UBE2E1: variants seen among roughly 807,000 people sequenced by gnomAD.
UBE2E1 encodes the protein ubiquitin conjugating enzyme E2 E1.
In UBE2E1, 6 loss-of-function variants were observed where a neutral mutation model predicts 21.4. That is an observed-to-expected ratio of 0.28 (90% CI 0.15 to 0.55). The LOEUF (loss-of-function observed/expected upper bound fraction) is 0.55. Among genes scored for constraint, UBE2E1 ranks in the 20% least tolerant of loss-of-function variants. The pLI, the probability that UBE2E1 is intolerant of heterozygous loss-of-function variation, is 0.93. For missense variants in UBE2E1, 142 were observed against 236.5 expected, an observed-to-expected ratio of 0.60 and a Z score of 2.62; for synonymous variants, 87 against 82.7, an observed-to-expected ratio of 1.05 and a Z score of -0.28.
rs143225070 is a variant in UBE2E1 at position 23,890,452 on chromosome 3, T to C, written c.485-57T>C. The C allele has an allele frequency of 4.4e-4, 686 of 1,562,916 alleles. 1 individual carries two copies. The African/African-American group carries it at 8.5e-3, about 19-fold the overall frequency. On this transcript the variant is annotated intron_variant, in intron 5 of 5. Transcript: ENST00000306627. ...ATCTACCCAAGCTGTCACTATTCGC[T>C]AAAGTTTAAAATGTTCTTTTCCTTT...
At chr3:23,864,426 TC>T (rs1442525883) in intron 3 of UBE2E1, among the ~76,000 whole-genome samples, 29 of 152,338 alleles carry the variant, frequency 1.9e-4, no homozygotes, top group African/African-American at 6.5e-4. Flanking sequence ...TCTTTGTCCT[TC>T]CTATGGTCCT....
chr3:23,873,989 A>G (rs1322143499), intron 3 of UBE2E1, among the ~76,000 whole-genome samples: 2 of 152,120 alleles, frequency 1.3e-5, no homozygotes, highest in Non-Finnish European at 2.9e-5. Context: ...TGTTCACACA[A>G]CTCTGCTTTG....
chr3:23,882,946 C>T (rs1031787100), intron 3 of UBE2E1, among the ~76,000 whole-genome samples: 1 of 152,180 alleles, frequency 6.6e-6, no homozygotes, highest in Non-Finnish European at 1.5e-5. Context: ...ACAGAGGGAG[C>T]CAGCTCCAGC....
chr3:23,855,923 A>C (rs908223874), intron 3 of UBE2E1, among the ~76,000 whole-genome samples: 1 of 152,188 alleles, frequency 6.6e-6, no homozygotes, highest in Non-Finnish European at 1.5e-5. Flanking sequence ...CAGTTCCGTG[A>C]GGTGTGGTAT....
At chr3:23,873,079 G>A (rs1686590040) in intron 3 of UBE2E1, among the ~76,000 whole-genome samples, 1 of 152,078 alleles carries the variant, frequency 6.6e-6, no homozygotes, top group Non-Finnish European at 1.5e-5. Flanking sequence ...TGACTTTAAT[G>A]TCTGACTTCT....
At chr3:23,855,133 A>G (rs181392534) in intron 3 of UBE2E1, among the ~76,000 whole-genome samples, 1 of 152,328 alleles carries the variant, frequency 6.6e-6, no homozygotes, top group East Asian at 1.9e-4. Context: ...GGTGAAATTA[A>G]AACATTTATT....
At chr3:23,882,528 C>T (rs965401065) in intron 3 of UBE2E1, among the ~76,000 whole-genome samples, 19 of 152,320 alleles carry the variant, frequency 1.2e-4, no homozygotes, top group Non-Finnish European at 2.6e-4. Context: ...GCACTGTGCG[C>T]CCACACTCCT....
intron 3 of UBE2E1, among the ~76,000 whole-genome samples, chr3:23,858,468 C>T (rs1700485663): frequency 6.6e-6 from 1 of 151,988 alleles, no homozygotes; most frequent in South Asian, 2.1e-4. Context: ...TACAGGCATG[C>T]ACCACCACGC....
At chr3:23,845,613 G>GTGTA (rs1700186386) in intron 3 of UBE2E1, among the ~76,000 whole-genome samples, 3 of 151,066 alleles carry the variant, frequency 2.0e-5, no homozygotes, top group African/African-American at 7.3e-5. Context: ...GTGTGTGTGT[G>GTGTA]TGTATGTGTG....
rs1325244353 is a variant in UBE2E1, at chr3:23,870,500, TA to T, written c.204-17066del. 6.6e-6 allele frequency among the ~76,000 whole-genome samples: 1 copy of T among 152,086 alleles called. No individual in the cohort carries two copies. Among genetic ancestry groups the T allele is most frequent in the African/African-American group, 2.4e-5 (1 of 41,410 alleles). ...GCAGCTTTAAGCACAGAGGCGCAGA[TA>T]GGGGTAGCTAGAACTTGGCCACAGC... On this transcript the variant is annotated intron_variant, in intron 3 of 5. Coordinates refer to ENST00000306627, the MANE Select transcript of UBE2E1 (RefSeq NM_003341.5). The surrounding 1 kb of genome is among the most constrained non-coding windows in gnomAD (Gnocchi z 4.2).
intron 3 of UBE2E1, among the ~76,000 whole-genome samples, chr3:23,815,381 C>CA: frequency 6.6e-6 from 1 of 152,174 alleles, no homozygotes; most frequent in African/African-American, 2.4e-5. Context: ...AGTTTTAAGC[C>CA]ATTATATTAT....
intron 3 of UBE2E1, among the ~76,000 whole-genome samples, chr3:23,879,733 T>C (rs1000344680): frequency 6.6e-6 from 1 of 152,198 alleles, no homozygotes; most frequent in Admixed American, 6.5e-5. Context: ...CTAACAGTGC[T>C]CGCCCAGCAG....
At chr3:23,826,469 C>T (rs898535900) in intron 3 of UBE2E1, among the ~76,000 whole-genome samples, 6 of 152,212 alleles carry the variant, frequency 3.9e-5, no homozygotes, top group African/African-American at 1.2e-4. Context: ...TTGGCTTCCT[C>T]CTCCTTCAGA....
Position 23,840,342 on chromosome 3 carries a change from G to A in UBE2E1, c.203+28832G>A, listed in dbSNP as rs74996717. Among the ~76,000 whole-genome samples, 1,201 of 152,178 alleles carry A rather than the reference G, an allele frequency of 7.9e-3. 18 individuals carry two copies. Among genetic ancestry groups the A allele is most frequent in the African/African-American group, 0.027 (1,135 of 41,518 alleles). On this transcript the variant is annotated intron_variant, in intron 3 of 5. Coordinates refer to ENST00000306627, the MANE Select transcript of UBE2E1 (RefSeq NM_003341.5). ...CCCTGCACATGCGTGATAATTTTTTGTTGGATACCAAACATTGTGAATTTT... is the reference window on the plus strand; with the variant it reads ...CCCTGCACATGCGTGATAATTTTTTATTGGATACCAAACATTGTGAATTTT...
intron 3 of UBE2E1, among the ~76,000 whole-genome samples, chr3:23,838,848 C>A (rs1420004812): frequency 2.1e-5 from 3 of 144,708 alleles, no homozygotes; most frequent in Admixed American, 7.1e-5. Flanking sequence ...ATTTGTATTT[C>A]CTTTTTTCAT....
chr3:23,868,709 AAC>A (rs1427083993), intron 3 of UBE2E1, among the ~76,000 whole-genome samples: 1 of 151,864 alleles, frequency 6.6e-6, no homozygotes, highest in Non-Finnish European at 1.5e-5. Flanking sequence ...TTGGGAAGTA[AAC>A]ACAGTGTTGT....
chr3:23,881,233 T>C (rs1034443897), intron 3 of UBE2E1, among the ~76,000 whole-genome samples: 13 of 152,336 alleles, frequency 8.5e-5, no homozygotes, highest in African/African-American at 2.2e-4. Context: ...GAAGAAAATA[T>C]TGTGTTAAAG....
At chr3:23,817,679 G>A (rs999143225) in intron 3 of UBE2E1, among the ~76,000 whole-genome samples, 6 of 152,120 alleles carry the variant, frequency 3.9e-5, no homozygotes. Context: ...GAGAAGTGGG[G>A]TGGGGAAGAA....
At chr3:23,809,654 A>G (rs1351475681) in intron 2 of UBE2E1, among the ~76,000 whole-genome samples, 2 of 152,248 alleles carry the variant, frequency 1.3e-5, no homozygotes. Flanking sequence ...TAAAGAAACA[A>G]CTACCTTTTT....
Sources: gnomAD v4.1 joint callset for allele counts (sites outside exome capture counted in the v4.1 genomes callset) on GRCh38, gnomAD v4.1.1 for gene constraint, Gnocchi (gnomAD v3.1) non-coding constraint, MANE v1.5 for transcripts, NCBI Gene and HGNC (gene_info 2026-07-23, HGNC 2026-07-21) for gene names.